Variants in TMEM72 observed in about 807,000 individuals in gnomAD.
TMEM72 encodes the protein kidney-specific secretory protein of 37 kDa.
Under a neutral mutation model 16.3 loss-of-function variants are expected in TMEM72, and 9 were observed. That is an observed-to-expected ratio of 0.55 (90% CI 0.33 to 0.96). The LOEUF (loss-of-function observed/expected upper bound fraction) is 0.96. Among genes scored for constraint, TMEM72 ranks in the 40% least tolerant of loss-of-function variants. The probability of loss-of-function intolerance (pLI) is 0.03; values close to 1 mark genes in which losing one functional copy is unlikely to be tolerated. For missense variants in TMEM72, 324 were observed against 337.8 expected (o/e 0.96, Z 0.32); for synonymous variants, 160 against 146.5 (o/e 1.09, Z -0.66).
intron 1 of TMEM72, chr10:44,923,039 G>A (rs1182659743): frequency 6.6e-6 from 1 of 152,276 alleles, no homozygotes; most frequent in Non-Finnish European, 1.5e-5. Context: ...TCAAAACTTT[G>A]TGATTCGGAA....
chr10:44,922,243 G>C (rs1039229932), intron 1 of TMEM72, among the ~76,000 whole-genome samples: 1 of 152,182 alleles, frequency 6.6e-6, no homozygotes, highest in Non-Finnish European at 1.5e-5. Flanking sequence ...GAGAGGGCGG[G>C]GGCCCACCTG....
chr10:44,928,967 T>G (rs1840247339), intron 2 of TMEM72, among the ~76,000 whole-genome samples: 1 of 152,258 alleles, frequency 6.6e-6, no homozygotes, highest in Non-Finnish European at 1.5e-5. Flanking sequence ...TATTTGAGCT[T>G]CTCTACATGC....
chr10:44,921,209 TGCAAG>T (rs1465384419), intron 1 of TMEM72, among the ~76,000 whole-genome samples: 2 of 152,194 alleles, frequency 1.3e-5, no homozygotes, highest in African/African-American at 4.8e-5. Flanking sequence ...CAAGGTGCGA[TGCAAG>T]GCACCTCCTG....
chr10:44,925,111 G>A (rs995870615), intron 1 of TMEM72, among the ~76,000 whole-genome samples: 6 of 152,222 alleles, frequency 3.9e-5, no homozygotes, highest in African/African-American at 1.4e-4. Flanking sequence ...AACACAGCTT[G>A]GATGAGTTAA....
At chr10:44,925,342 T>C (rs1251061263) in intron 1 of TMEM72, among the ~76,000 whole-genome samples, 1 of 152,112 alleles carries the variant, frequency 6.6e-6, no homozygotes, top group Non-Finnish European at 1.5e-5. Context: ...AGAAGCTGAG[T>C]TCCCAAGACC....
At chr10:44,915,639 C>T (rs1035333428) in intron 1 of TMEM72, among the ~76,000 whole-genome samples, 1 of 152,126 alleles carries the variant, frequency 6.6e-6, no homozygotes, top group Non-Finnish European at 1.5e-5. Context: ...TCAGAACTTC[C>T]CCATCCTCTA....
At chr10:44,928,293 T>C (rs963129376) in intron 2 of TMEM72, among the ~76,000 whole-genome samples, 1 of 151,104 alleles carries the variant, frequency 6.6e-6, no homozygotes, top group African/African-American at 2.4e-5. Flanking sequence ...CACCAATCTA[T>C]TCATGCACCA....
intron 2 of TMEM72, among the ~76,000 whole-genome samples, chr10:44,930,657 T>C (rs919857832): frequency 6.6e-6 from 1 of 152,166 alleles, no homozygotes; most frequent in Non-Finnish European, 1.5e-5. Context: ...AGGCTCACAC[T>C]GGGAGGCATA....
intron 1 of TMEM72, among the ~76,000 whole-genome samples, chr10:44,925,872 G>A (rs903538855): frequency 6.6e-6 from 1 of 152,064 alleles, no homozygotes; most frequent in Non-Finnish European, 1.5e-5. Flanking sequence ...ATGGCCATTT[G>A]CCTGCACATC....
At chr10:44,919,688 G>A (rs750380119) in intron 1 of TMEM72, among the ~76,000 whole-genome samples, 10 of 152,264 alleles carry the variant, frequency 6.6e-5, no homozygotes, top group East Asian at 5.8e-4. Context: ...GCTCAATATC[G>A]TTAAGACATC....
intron 1 of TMEM72, among the ~76,000 whole-genome samples, chr10:44,916,454 T>C (rs1589038770): frequency 6.6e-6 from 1 of 152,222 alleles, no homozygotes; most frequent in Non-Finnish European, 1.5e-5. Flanking sequence ...GTTCTCATTA[T>C]ATTTTAAAGG....
chr10:44,922,391 T>C (rs546620050), intron 1 of TMEM72, among the ~76,000 whole-genome samples: 3 of 152,246 alleles, frequency 2.0e-5, no homozygotes, highest in Admixed American at 6.5e-5. Context: ...TGGAGAACAG[T>C]CCCCTGGAAA....
chr10:44,932,201 G>T (rs1345954176), intron 3 of TMEM72, 132 bp downstream of exon 3: 7 of 1,105,238 alleles, frequency 6.3e-6, no homozygotes, highest in Non-Finnish European at 9.1e-6. Flanking sequence ...CCCCCACCGA[G>T]GTACAATCAG....
intron 2 of TMEM72, among the ~76,000 whole-genome samples, chr10:44,929,427 C>T (rs1214083236): frequency 6.6e-6 from 1 of 152,192 alleles, no homozygotes; most frequent in Admixed American, 6.5e-5. Flanking sequence ...ATGTCCTGTT[C>T]TGCCTACAGG....
intron 1 of TMEM72, among the ~76,000 whole-genome samples, chr10:44,926,688 A>T (rs1010622807): frequency 6.6e-5 from 10 of 152,264 alleles, no homozygotes; most frequent in Admixed American, 1.3e-4. Context: ...GGAGCCCCAG[A>T]GCCCTCCATC....
chr10:44,934,848 C>A lies in TMEM72; in HGVS notation c.542C>A (p.Ser181Tyr), dbSNP rs1215637076. Residue 181 changes from serine (S) to tyrosine (Y), a missense_variant, in exon 5 of 5, where the codon TCC becomes TAC. Transcript: ENST00000389583. ...FHGALKEGPS[S>Y]LFIHMKSILK... The stretch of plus-strand genomic sequence containing the variant: ...GGGGCCCTCAAGGAGGGGCCCAGCT[C>A]CCTTTTCATCCACATGAAGAGTATC... The A allele has an allele frequency of 2.5e-6, 4 of 1,613,492 alleles. No homozygotes were observed. The highest frequency in any genetic ancestry group is 1.7e-5 in the Admixed American group (1 of 59,956).
chr10:44,913,483 C>T lies in TMEM72; in HGVS notation c.70+1901C>T, dbSNP rs939850063. On this transcript the variant is annotated intron_variant, in intron 1 of 4. Transcript: ENST00000389583. ...ACACACACACACACACACACAAACCCGTGCGCGCGCACATAGGGCTCGTCT... is the reference window on the plus strand; with the variant it reads ...ACACACACACACACACACACAAACCTGTGCGCGCGCACATAGGGCTCGTCT... Among the ~76,000 whole-genome samples, 27 of 152,238 alleles carry T rather than the reference C, an allele frequency of 1.8e-4. 1 individual carries two copies. Among genetic ancestry groups the T allele is most frequent in the South Asian group, 1.2e-3 (6 of 4,810 alleles).
At chr10:44,933,084 G>A (rs1040682838) in intron 3 of TMEM72, among the ~76,000 whole-genome samples, 1 of 152,244 alleles carries the variant, frequency 6.6e-6, no homozygotes, top group African/African-American at 2.4e-5. Flanking sequence ...CGCCCCTGAA[G>A]GAAGCTGCTC....
chr10:44,912,660 G>A (rs908559749), intron 1 of TMEM72, among the ~76,000 whole-genome samples: 1 of 152,182 alleles, frequency 6.6e-6, no homozygotes, highest in Admixed American at 6.5e-5. Flanking sequence ...CAGGTGTTTG[G>A]ACAGATTAAG....
Sources: gnomAD v4.1 joint callset for allele counts (sites outside exome capture counted in the v4.1 genomes callset) on GRCh38, gnomAD v4.1.1 for gene constraint, MANE v1.5 for transcripts, NCBI Gene and HGNC (gene_info 2026-07-23, HGNC 2026-07-21) for gene names.